PTPRN2: variants seen among roughly 807,000 people sequenced by gnomAD.
PTPRN2 encodes the protein receptor-type tyrosine-protein phosphatase N2.
A neutral mutation model predicts 118.8 loss-of-function variants in PTPRN2; 74 were observed. The ratio of observed to expected loss-of-function variants is 0.62; its 90% CI spans 0.52 to 0.76. PTPRN2 has a LOEUF of 0.76. PTPRN2 is among the 30% of genes least tolerant of loss of function. The pLI, the probability that PTPRN2 is intolerant of heterozygous loss-of-function variation, is 0.00. For synonymous variants in PTPRN2, 641 were observed against 608.0 expected, an observed-to-expected ratio of 1.05 and a Z score of -0.80; for missense variants, 1,481 against 1,394.4, an observed-to-expected ratio of 1.06 and a Z score of -0.99.
chr7:157,816,128 T>C (rs1806381114), intron 12 of PTPRN2, among the ~76,000 whole-genome samples: 2 of 152,198 alleles, frequency 1.3e-5, no homozygotes, highest in African/African-American at 4.8e-5. Context: ...AGCAGCAGCC[T>C]GAGAAGACAC....
At chr7:158,370,950 A>G (rs939745748) in intron 2 of PTPRN2, among the ~76,000 whole-genome samples, 2 of 152,346 alleles carry the variant, frequency 1.3e-5, no homozygotes, top group East Asian at 3.9e-4. Context: ...TTGAATTCTA[A>G]AGAATCAAAC....
intron 2 of PTPRN2, among the ~76,000 whole-genome samples, chr7:158,337,618 GGAGA>G: frequency 8.8e-6 from 1 of 113,546 alleles, no homozygotes. Context: ...CACCATAAGA[GGAGA>G]CACCTGCAGA....
At chr7:158,430,615 C>T (rs1186871295) in intron 2 of PTPRN2, among the ~76,000 whole-genome samples, 1 of 152,136 alleles carries the variant, frequency 6.6e-6, no homozygotes, top group African/African-American at 2.4e-5. Context: ...GGTGTCTCCA[C>T]CACAAGAGAC....
chr7:158,304,460 CACTAA>C (rs1801130098), intron 3 of PTPRN2, among the ~76,000 whole-genome samples: 2 of 145,520 alleles, frequency 1.4e-5, no homozygotes, highest in African/African-American at 5.1e-5. Flanking sequence ...CCCGTCAATA[CACTAA>C]GATGTACACA....
chr7:158,255,680 T>A (rs925480084), intron 3 of PTPRN2, among the ~76,000 whole-genome samples: 1 of 152,180 alleles, frequency 6.6e-6, no homozygotes, highest in Admixed American at 6.5e-5. Context: ...AGGACTCCAT[T>A]CCCGCTGGGG....
chr7:158,203,860 T>A (rs1027729416), intron 4 of PTPRN2, among the ~76,000 whole-genome samples: 1 of 152,260 alleles, frequency 6.6e-6, no homozygotes. Flanking sequence ...TCTTACAGAC[T>A]ATAACAGCAC....
rs1802378291 is a variant in PTPRN2 at position 158,316,887 on chromosome 7, T to A, written c.209A>T (p.Tyr70Phe). The A allele has an allele frequency of 6.2e-7, 1 of 1,612,578 alleles. No individual in the cohort carries two copies. ...GGCCACGGGCGACACCTCGTAGCGG[T>A]AAAAGTCCATTGCCGGAACCTTCTG... The part of the protein sequence containing the change: ...RCQKVPAMDF[Y>F]RYEVSPVALQ... The change falls in exon 3 of 23, where the codon TAC becomes TTC. Residue 70 changes from tyrosine (Y) to phenylalanine (F), a missense_variant. Transcript: ENST00000389418.
intron 1 of PTPRN2, among the ~76,000 whole-genome samples, chr7:158,519,624 T>C (rs1329420847): frequency 6.6e-6 from 1 of 152,186 alleles, no homozygotes; most frequent in African/African-American, 2.4e-5. Context: ...TGGGTGACTC[T>C]GGACCTTCAT....
intron 19 of PTPRN2, among the ~76,000 whole-genome samples, chr7:157,572,883 G>A (rs1251952064): frequency 2.6e-5 from 4 of 152,240 alleles, no homozygotes; most frequent in Admixed American, 1.3e-4. Flanking sequence ...CCGTGTCACC[G>A]TTTCTGTTAG....
At chr7:158,132,585 A>G (rs1818447596) in intron 9 of PTPRN2, among the ~76,000 whole-genome samples, 1 of 120,822 alleles carries the variant, frequency 8.3e-6, no homozygotes, top group African/African-American at 3.4e-5. Context: ...ATATAGACAC[A>G]TGCATATGCA....
rs528598109 is a variant in PTPRN2 at position 158,070,746 on chromosome 7, G to C, written c.1723+10552C>G. Among the ~76,000 whole-genome samples, 37 of 131,446 alleles carry C rather than the reference G, an allele frequency of 2.8e-4. 5 individuals carry two copies. The highest frequency in any genetic ancestry group is 1.0e-3 in the African/African-American group (31 of 30,818). 86.2% of individuals were successfully genotyped at this position (131,446 alleles called of 152,430 possible). On this transcript the variant is annotated intron_variant, in intron 11 of 22. Coordinates refer to ENST00000389418, the MANE Select transcript of PTPRN2 (RefSeq NM_002847.5). Reference sequence around the variant, plus strand: ...GTGTGGAGGTGCCCGTGGTGGTGGAGGTGCCCGTGGTGGTGGAGGTGCTCA... The same window carrying C: ...GTGTGGAGGTGCCCGTGGTGGTGGACGTGCCCGTGGTGGTGGAGGTGCTCA...
At chr7:157,832,969 C>G (rs1222801770) in intron 12 of PTPRN2, among the ~76,000 whole-genome samples, 1 of 152,210 alleles carries the variant, frequency 6.6e-6, no homozygotes, top group Non-Finnish European at 1.5e-5. Flanking sequence ...TGGCTGGTGC[C>G]CATCCATCCT....
intron 12 of PTPRN2, among the ~76,000 whole-genome samples, chr7:157,875,123 G>A (rs1037103019): frequency 2.6e-5 from 4 of 152,156 alleles, no homozygotes; most frequent in African/African-American, 4.8e-5. Flanking sequence ...TCTGACAGCC[G>A]TACAGGAAGT....
rs535793818 is a variant in PTPRN2, at chr7:157,769,551, G to A, written c.1789-86614C>T. On this transcript the variant is annotated intron_variant, in intron 12 of 22. Transcript: ENST00000389418. Reference sequence around the variant, plus strand: ...CACAACTCCACTGAAGACAGTATGGGTTGCTGATACACCCCAGACCTTCTG... The same window carrying A: ...CACAACTCCACTGAAGACAGTATGGATTGCTGATACACCCCAGACCTTCTG... Among the ~76,000 whole-genome samples, 10 of 152,326 alleles carry A rather than the reference G, an allele frequency of 6.6e-5. No individual in the cohort carries two copies. The South Asian group carries it at 1.9e-3, about 28-fold the overall frequency.
chr7:157,909,471 T>C (rs1177349499), intron 11 of PTPRN2, among the ~76,000 whole-genome samples: 6 of 152,164 alleles, frequency 3.9e-5, no homozygotes, highest in Non-Finnish European at 8.8e-5. Flanking sequence ...CACAGTGAGG[T>C]CTACAGTCCA....
chr7:158,380,409 C>T (rs2198365), intron 2 of PTPRN2, among the ~76,000 whole-genome samples: 133,971 of 152,222 alleles, frequency 0.88, 60,407 homozygotes, highest in Non-Finnish European at 0.97. Flanking sequence ...AGGCCCCACG[C>T]AAGTCTGAAA....
intron 12 of PTPRN2, among the ~76,000 whole-genome samples, chr7:157,693,834 C>T (rs1797641309): frequency 6.6e-6 from 1 of 152,132 alleles, no homozygotes; most frequent in African/African-American, 2.4e-5. Flanking sequence ...AGCAGGCGGC[C>T]GGGAGCTCTC....
intron 12 of PTPRN2, among the ~76,000 whole-genome samples, chr7:157,699,373 C>G (rs1218937700): frequency 6.6e-6 from 1 of 152,202 alleles, no homozygotes; most frequent in Non-Finnish European, 1.5e-5. Context: ...GCAAATATGT[C>G]TATACATATT....
intron 5 of PTPRN2, among the ~76,000 whole-genome samples, chr7:158,176,120 G>A (rs996340550): frequency 3.3e-5 from 5 of 152,118 alleles, no homozygotes; most frequent in Admixed American, 6.5e-5. Context: ...TCCTGTTTGC[G>A]TTTTGGCCTT....
Sources: allele counts gnomAD v4.1 joint callset (sites outside exome capture counted in the v4.1 genomes callset), GRCh38; gene constraint gnomAD v4.1.1; transcripts MANE v1.5; gene names NCBI Gene and HGNC (gene_info 2026-07-23, HGNC 2026-07-21).